FBXO34: variants seen among roughly 807,000 people sequenced by gnomAD.
The protein encoded by FBXO34 is F-box only protein 34.
Under a neutral mutation model 24.5 loss-of-function variants are expected in FBXO34, and 12 were observed. The ratio of observed to expected loss-of-function variants is 0.49; its 90% CI spans 0.31 to 0.79. The LOEUF is 0.79. Among genes scored for constraint, FBXO34 ranks in the 30% least tolerant of loss-of-function variants. The pLI is 0.04. For missense variants in FBXO34, 823 were observed against 857.7 expected, an observed-to-expected ratio of 0.96 and a Z score of 0.51; for synonymous variants, 320 against 311.9, an observed-to-expected ratio of 1.03 and a Z score of -0.27.
At chr14:55,356,779 G>A (rs900965758), downstream of FBXO34, among the ~76,000 whole-genome samples, 4 of 151,646 alleles carry the variant, frequency 2.6e-5, no homozygotes, top group African/African-American at 9.7e-5. Flanking sequence ...TTTGAGATGG[G>A]GGTCTCTCGC....
the FBXO34 span, chr14:55,380,508 T>C: frequency 9.0e-7 from 1 of 1,109,506 alleles, no homozygotes; most frequent in Non-Finnish European, 1.3e-6. Flanking sequence ...TTGGAATAAA[T>C]AAAGACAAAA....
At chr14:55,343,219 C>G (rs561767710) in intron 1 of FBXO34, among the ~76,000 whole-genome samples, 196 of 149,686 alleles carry the variant, frequency 1.3e-3, no homozygotes, top group South Asian at 5.5e-3. Flanking sequence ...CCTTTGTATA[C>G]TATTCTATTT....
the FBXO34 span, among the ~76,000 whole-genome samples, chr14:55,433,133 T>A: frequency 6.6e-6 from 1 of 151,986 alleles, no homozygotes; most frequent in Non-Finnish European, 1.5e-5. Context: ...AGTATTTTAT[T>A]ATTTTTTTTA....
At chr14:55,439,614 A>C in the FBXO34 span, among the ~76,000 whole-genome samples, 23,544 of 77,352 alleles carry the variant, frequency 0.3, 4,421 homozygotes, top group East Asian at 0.38. Flanking sequence ...AGAAAAGCAA[A>C]CCCCCCCCCG....
the FBXO34 span, chr14:55,424,399 G>A: frequency 1.8e-6 from 1 of 559,928 alleles, no homozygotes; most frequent in Non-Finnish European, 3.2e-6. Flanking sequence ...CTATCTTGAT[G>A]AAGAGTCTTG....
the FBXO34 span, chr14:55,395,265 C>T: frequency 3.0e-6 from 1 of 338,116 alleles, no homozygotes; most frequent in South Asian, 2.6e-5. Context: ...TGCCAAGCGC[C>T]TGCGAGGCAT....
chr14:55,388,964 T>C, the FBXO34 span, among the ~76,000 whole-genome samples: 1 of 151,980 alleles, frequency 6.6e-6, no homozygotes, highest in Non-Finnish European at 1.5e-5. Flanking sequence ...TTTTTCAACA[T>C]GGCGATTTGA....
At chr14:55,405,271 A>G in the FBXO34 span, among the ~76,000 whole-genome samples, 2 of 152,354 alleles carry the variant, frequency 1.3e-5, no homozygotes, top group Non-Finnish European at 2.9e-5. Flanking sequence ...TATCTAAAGG[A>G]TATTTTTTGG....
At chr14:55,392,523 T>C in the FBXO34 span, among the ~76,000 whole-genome samples, 4 of 151,462 alleles carry the variant, frequency 2.6e-5, no homozygotes, top group African/African-American at 9.7e-5. Context: ...GTGACATGCA[T>C]CTATAGTCCC....
At chr14:55,299,628 CCTTAGATCTGAGT>C (rs1179118083) in intron 1 of FBXO34, among the ~76,000 whole-genome samples, 1 of 152,064 alleles carries the variant, frequency 6.6e-6, no homozygotes, top group Non-Finnish European at 1.5e-5. Context: ...TGATCTGTTG[CCTTAGATCTGAGT>C]CTTAGTATCC....
chr14:55,332,940 A>G (rs1244608978), intron 1 of FBXO34, among the ~76,000 whole-genome samples: 2 of 152,208 alleles, frequency 1.3e-5, no homozygotes, highest in East Asian at 3.8e-4. Context: ...TAGCCCCAAG[A>G]TGCAGGTGAA....
intron 1 of FBXO34, among the ~76,000 whole-genome samples, chr14:55,296,391 G>GTTTTGTT (rs1338074763): frequency 6.2e-5 from 4 of 64,752 alleles, no homozygotes; most frequent in African/African-American, 1.1e-4. Context: ...TGTTTTTTTT[G>GTTTTGTT]TTTTTTTTTT....
At chr14:55,341,099 C>A (rs964767032) in intron 1 of FBXO34, among the ~76,000 whole-genome samples, 8 of 152,190 alleles carry the variant, frequency 5.3e-5, no homozygotes, top group Non-Finnish European at 1.0e-4. Context: ...CGGGGTCTTG[C>A]AGCAAAGGAA....
the FBXO34 span, among the ~76,000 whole-genome samples, chr14:55,437,658 G>T: frequency 1.3e-5 from 2 of 152,186 alleles, no homozygotes; most frequent in African/African-American, 2.4e-5. Context: ...CTAAATTGTT[G>T]TATACTTTGA....
At chr14:55,366,250 A>AT (rs1884675052), downstream of FBXO34, 1 of 152,496 alleles carries the variant, frequency 6.6e-6, no homozygotes, top group South Asian at 2.1e-4. Flanking sequence ...ATATATTAAC[A>AT]TTTTTTCTTA....
At chr14:55,433,106 TA>T in the FBXO34 span, among the ~76,000 whole-genome samples, 1 of 152,088 alleles carries the variant, frequency 6.6e-6, no homozygotes, top group Non-Finnish European at 1.5e-5. Context: ...GGGGAAACTG[TA>T]AAATGGGGAT....
At chr14:55,410,478 A>T in the FBXO34 span, among the ~76,000 whole-genome samples, 55 of 152,362 alleles carry the variant, frequency 3.6e-4, no homozygotes, top group Non-Finnish European at 6.9e-4. Context: ...TTCTAAAGTC[A>T]TCAAGAGCAC....
At chr14:55,428,721 C>A in the FBXO34 span, 1 of 1,332,966 alleles carries the variant, frequency 7.5e-7, no homozygotes. Context: ...ATCACAATTT[C>A]TCTGAAAGAT....
chr14:55,437,070 G>T, the FBXO34 span: 1 of 1,514,626 alleles, frequency 6.6e-7, no homozygotes, highest in South Asian at 1.1e-5. Flanking sequence ...AGAACAGCAT[G>T]TTACACAAAA....
Sources: allele counts gnomAD v4.1 joint callset (sites outside exome capture counted in the v4.1 genomes callset), GRCh38; gene constraint gnomAD v4.1.1; transcripts MANE v1.5; gene names NCBI Gene and HGNC (gene_info 2026-07-23, HGNC 2026-07-21).